Variants in ASTN1 observed in about 807,000 individuals in gnomAD.
ASTN1 encodes the protein astrotactin-1.
In ASTN1, 41 loss-of-function variants were observed where a neutral mutation model predicts 140.7. The ratio of observed to expected loss-of-function variants is 0.29; its 90% CI spans 0.23 to 0.38. ASTN1 has a LOEUF of 0.38. Among genes scored for constraint, ASTN1 ranks in the 10% least tolerant of loss-of-function variants. ASTN1 has a pLI of 1.00. For missense variants in ASTN1, 1,479 were observed against 1,678.8 expected (o/e 0.88, Z 2.08); for synonymous variants, 640 against 652.2 (o/e 0.98, Z 0.29).
At chr1:176,980,921 A>C (rs966134057) in intron 8 of ASTN1, among the ~76,000 whole-genome samples, 3 of 152,122 alleles carry the variant, frequency 2.0e-5, no homozygotes, top group Non-Finnish European at 2.9e-5. Flanking sequence ...AGTAAGCACC[A>C]AGGAAATAGG....
intron 20 of ASTN1, among the ~76,000 whole-genome samples, chr1:176,881,434 A>T (rs1440836376): frequency 6.6e-6 from 1 of 152,164 alleles, no homozygotes; most frequent in African/African-American, 2.4e-5. Flanking sequence ...GGAACTTTGG[A>T]ATTCCTAAGT....
At chr1:176,868,344 A>G (rs1320877020) in intron 22 of ASTN1, among the ~76,000 whole-genome samples, 1 of 152,204 alleles carries the variant, frequency 6.6e-6, no homozygotes, top group African/African-American at 2.4e-5. Context: ...AGCACACACT[A>G]TGCGACCCTA....
chr1:176,921,865 G>A (rs1478361105), intron 16 of ASTN1, among the ~76,000 whole-genome samples: 1 of 152,196 alleles, frequency 6.6e-6, no homozygotes, highest in African/African-American at 2.4e-5. Flanking sequence ...GGTTGCAGGG[G>A]AGGGTGTTTG....
intron 8 of ASTN1, among the ~76,000 whole-genome samples, chr1:176,965,753 C>T (rs1385628183): frequency 1.3e-5 from 2 of 152,146 alleles, no homozygotes; most frequent in African/African-American, 4.8e-5. Context: ...TTAAGCAGAC[C>T]TCTTAGGCCA....
At chr1:176,956,870 G>A (rs1024891276) in intron 11 of ASTN1, among the ~76,000 whole-genome samples, 2 of 152,168 alleles carry the variant, frequency 1.3e-5, no homozygotes, top group African/African-American at 4.8e-5. Context: ...TCAATCTACT[G>A]TAGCCCAAAT....
intron 7 of ASTN1, among the ~76,000 whole-genome samples, chr1:177,018,069 A>C (rs1675646138): frequency 6.6e-6 from 1 of 152,126 alleles, no homozygotes; most frequent in Admixed American, 6.5e-5. Context: ...CTCCTTCTAA[A>C]AAGGGAAATC....
At chr1:176,916,573 C>T (rs1013675466) in intron 16 of ASTN1, among the ~76,000 whole-genome samples, 1 of 152,038 alleles carries the variant, frequency 6.6e-6, no homozygotes, top group Non-Finnish European at 1.5e-5. Context: ...GCTCAACACA[C>T]CCTCACCCTC....
intron 8 of ASTN1, among the ~76,000 whole-genome samples, chr1:176,991,966 T>C (rs1254824601): frequency 1.3e-5 from 2 of 152,222 alleles, no homozygotes. Context: ...TCTACTAGTT[T>C]TATGTATTAA....
intron 22 of ASTN1, among the ~76,000 whole-genome samples, chr1:176,866,511 G>T (rs1668130725): frequency 6.6e-6 from 1 of 152,152 alleles, no homozygotes; most frequent in Non-Finnish European, 1.5e-5. Context: ...CATGGGAGGT[G>T]AAGAAAGAGG....
At chr1:177,106,082 C>T (rs1334723116) in intron 1 of ASTN1, among the ~76,000 whole-genome samples, 1 of 152,176 alleles carries the variant, frequency 6.6e-6, no homozygotes, top group Non-Finnish European at 1.5e-5. Flanking sequence ...GGAACTGGTG[C>T]ATACCAGATT....
intron 18 of ASTN1, 136 bp from the exon 19 acceptor site, chr1:176,884,626 C>T (rs1381386790): frequency 1.1e-6 from 1 of 928,606 alleles, no homozygotes; most frequent in Admixed American, 2.7e-5. Flanking sequence ...GGGCCTGTCT[C>T]TTTCAAAAGA....
At chr1:177,097,754 AC>A (rs1358216999) in intron 1 of ASTN1, among the ~76,000 whole-genome samples, 1 of 152,012 alleles carries the variant, frequency 6.6e-6, no homozygotes, top group Admixed American at 6.6e-5. Flanking sequence ...CTTCAGCCCC[AC>A]CCCAGACCTT....
chr1:176,997,763 C>A lies in ASTN1; in HGVS notation c.1523+17028G>T, dbSNP rs191777511. ...AAGACAAGGCACGCTGGGACGATTG[C>A]CACAATAGATAGTCACAGGCCTGAG... is the stretch of plus-strand genomic sequence containing the variant. On this transcript the variant is annotated intron_variant, in intron 8 of 22. Transcript: ENST00000361833. Among the ~76,000 whole-genome samples the A allele has an allele frequency of 1.5e-3, 226 of 152,124 alleles. 1 individual carries two copies. The highest frequency in any genetic ancestry group is 5.3e-3 in the African/African-American group (219 of 41,506).
chr1:176,890,359 T>G (rs1669209853), intron 17 of ASTN1, among the ~76,000 whole-genome samples: 1 of 152,148 alleles, frequency 6.6e-6, no homozygotes, highest in Non-Finnish European at 1.5e-5. Flanking sequence ...AGTTATTTAC[T>G]CATGAAAGTT....
At chr1:176,857,608 C>T, downstream of ASTN1, 1 of 612,620 alleles carries the variant, frequency 1.6e-6, no homozygotes, top group Non-Finnish European at 3.0e-6. Context: ...TCCTTTCCTC[C>T]AATCATCTAC....
intron 16 of ASTN1, among the ~76,000 whole-genome samples, chr1:176,913,980 G>A (rs374305069): frequency 1.4e-4 from 22 of 152,254 alleles, no homozygotes; most frequent in African/African-American, 5.1e-4. Context: ...GGCAAACAAC[G>A]GGAATTTGAA....
At chr1:176,971,272 T>C (rs746679022) in intron 8 of ASTN1, among the ~76,000 whole-genome samples, 1 of 152,282 alleles carries the variant, frequency 6.6e-6, no homozygotes, top group Non-Finnish European at 1.5e-5. Context: ...ATCACATGCC[T>C]CAATTTATCC....
chr1:176,862,916 AGGAGCCCTGGTC>A lies in ASTN1; in HGVS notation c.*1356_*1367del, dbSNP rs1668013454. ...GACCTTTCTCATATGTTTCCAGATG[AGGAGCCCTGGTC>A]AAAGGCATGGTGGCTGAAGGTGTGT... On this transcript the variant is annotated 3_prime_UTR_variant, in exon 23 of 23. Transcript: ENST00000361833. 1 of 985,388 alleles carries A rather than the reference AGGAGCCCTGGTC, an allele frequency of 1.0e-6. No individual in the cohort carries two copies. The highest frequency in any genetic ancestry group is 1.2e-6 in the Non-Finnish European group (1 of 829,986). 61.0% of individuals were successfully genotyped at this position (985,388 alleles called of 1,614,324 possible).
intron 16 of ASTN1, among the ~76,000 whole-genome samples, chr1:176,901,494 C>T (rs1480453260): frequency 5.3e-5 from 8 of 152,188 alleles, no homozygotes; most frequent in African/African-American, 1.7e-4. Flanking sequence ...AGGTAAACTT[C>T]TCCCTGTGGG....
Sources: allele counts gnomAD v4.1 joint callset (sites outside exome capture counted in the v4.1 genomes callset), GRCh38; gene constraint gnomAD v4.1.1; transcripts MANE v1.5; gene names NCBI Gene and HGNC (gene_info 2026-07-23, HGNC 2026-07-21).